OR6C74: variants seen among roughly 807,000 people sequenced by gnomAD.
The protein encoded by OR6C74 is olfactory receptor family 6 subfamily C member 74.
For synonymous variants in OR6C74, 142 were observed against 134.2 expected (o/e 1.06, Z -0.40); for missense variants, 361 against 362.9 (o/e 0.99, Z 0.04).
rs1222751999 is a variant in OR6C74 at position 55,252,382 on chromosome 12, T to A, written c.*4156T>A. 2.7e-5 allele frequency among the ~76,000 whole-genome samples: 4 copies of A among 150,584 alleles called. No homozygotes were observed. Among genetic ancestry groups the A allele is most frequent in the African/African-American group, 9.7e-5 (4 of 41,140 alleles). ...ATTTTAAATGAACTGGAAATCACAA[T>A]AATTATTCTTCAATCCCATTCAAAT... On this transcript the variant is annotated 3_prime_UTR_variant, in exon 2 of 2. Coordinates refer to ENST00000343399, the MANE Select transcript of OR6C74 (RefSeq NM_001005490.2).
At chr12:55,247,086 G>A (rs1954274554) in intron 1 of OR6C74, 193 bp from the exon 2 acceptor site, 5 of 467,824 alleles carry the variant, frequency 1.1e-5, no homozygotes, top group Non-Finnish European at 1.5e-5. Context: ...TGAGAAAACA[G>A]AACAAACTCA....
Position 55,247,328 on chromosome 12 carries a change from G to T in OR6C74, c.41G>T (p.Gly14Val), listed in dbSNP as rs1224509020. ...HTTVANFILL[G>V]LTDDPQLQVI... is the part of the protein sequence containing the mutation. ...ACAGTAGCAAACTTTATTCTTCTTG[G>T]ACTGACAGATGATCCACAATTACAG... The change falls in exon 2 of 2, where the codon GGA (glycine) becomes GTA (valine). Residue 14 changes from glycine to valine, a missense_variant. Coordinates refer to ENST00000343399, the MANE Select transcript of OR6C74 (RefSeq NM_001005490.2). 1.3e-5 allele frequency: 21 copies of T among 1,611,294 alleles called. No individual in the cohort carries two copies. Among genetic ancestry groups the T allele is most frequent in the Non-Finnish European group, 1.8e-5 (21 of 1,177,856 alleles).
chr12:55,250,314 T>C lies in OR6C74; in HGVS notation c.*2088T>C, dbSNP rs1027947440. Among the ~76,000 whole-genome samples the C allele has an allele frequency of 1.3e-5, 2 of 152,134 alleles. No homozygotes were observed. The highest frequency in any genetic ancestry group is 6.6e-5 in the Admixed American group (1 of 15,266). On this transcript the variant is annotated 3_prime_UTR_variant, in exon 2 of 2. Coordinates refer to ENST00000343399, the MANE Select transcript of OR6C74 (RefSeq NM_001005490.2). ...TTTTAAAGTCTAATATATAGGTAAATCCATAAATCATTGAATGTATATTAA... is the reference window on the plus strand; with the variant it reads ...TTTTAAAGTCTAATATATAGGTAAACCCATAAATCATTGAATGTATATTAA...
rs371800164 is a variant in OR6C74 at position 55,247,742 on chromosome 12, T to C, written c.455T>C (p.Leu152Pro). 6.2e-7 allele frequency: 1 copy of C among 1,613,880 alleles called. No individual in the cohort carries two copies. The highest frequency in any genetic ancestry group is 1.3e-5 in the African/African-American group (1 of 74,918). ...LVFASWMAGF[L>P]IIFPPLLMGL... ...TTTGCTTCATGGATGGCTGGCTTCC[T>C]AATAATTTTTCCGCCACTCCTGATG... The change falls in exon 2 of 2, where the codon CTA becomes CCA. Residue 152 changes from leucine to proline, a missense_variant. Transcript: ENST00000343399.
In OR6C74 at chr12:55,254,165, G is replaced by A. The variant is rs2136316227; in HGVS notation, c.*5939G>A. 6.6e-6 allele frequency among the ~76,000 whole-genome samples: 1 copy of A among 152,128 alleles called. No homozygotes were observed. Among genetic ancestry groups the A allele is most frequent in the East Asian group, 1.9e-4 (1 of 5,178 alleles). ...AATCAGGGAGTTCATTTTAACAAAA[G>A]CATCTTCCATCTTCATTTCAAACCA... On this transcript the variant is annotated 3_prime_UTR_variant, in exon 2 of 2. Transcript: ENST00000343399.
rs771820832 is a variant in OR6C74, at chr12:55,256,146, A to G, written c.*7920A>G. Among the ~76,000 whole-genome samples the G allele has an allele frequency of 1.3e-5, 2 of 152,134 alleles. No homozygotes were observed. Among genetic ancestry groups the G allele is most frequent in the Non-Finnish European group, 2.9e-5 (2 of 68,006 alleles). ...ATGTGCTTCCCCCTGCAGAGAGCCTACGAACGGACATGCAGTCAGGGAGGT... is the reference window on the plus strand; with the variant it reads ...ATGTGCTTCCCCCTGCAGAGAGCCTGCGAACGGACATGCAGTCAGGGAGGT... On this transcript the variant is annotated 3_prime_UTR_variant, in exon 2 of 2. Transcript: ENST00000343399.
Position 55,253,093 on chromosome 12 carries a change from A to C in OR6C74, c.*4867A>C, listed in dbSNP as rs1416892169. ...GGAATAAATGATGGCAAAGGGCTAG[A>C]GTACAAAGGTATACCATTTTATTTG... On this transcript the variant is annotated 3_prime_UTR_variant, in exon 2 of 2. Coordinates refer to ENST00000343399, the MANE Select transcript of OR6C74 (RefSeq NM_001005490.2). Among the ~76,000 whole-genome samples the C allele has an allele frequency of 6.6e-6, 1 of 152,038 alleles. No individual in the cohort carries two copies. The highest frequency in any genetic ancestry group is 1.5e-5 in the Non-Finnish European group (1 of 67,944).
rs939439263 is a variant in OR6C74 at position 55,254,311 on chromosome 12, G to A, written c.*6085G>A. Among the ~76,000 whole-genome samples the A allele has an allele frequency of 6.6e-6, 1 of 151,976 alleles. No homozygotes were observed. The highest frequency in any genetic ancestry group is 2.4e-5 in the African/African-American group (1 of 41,406). Reference sequence around the variant, plus strand: ...TAGCTAAGGGGTATGTAAGTAAATTGCATACAATAAAGCTGTTCCATATTG... The same window carrying A: ...TAGCTAAGGGGTATGTAAGTAAATTACATACAATAAAGCTGTTCCATATTG... On this transcript the variant is annotated 3_prime_UTR_variant, in exon 2 of 2. Coordinates refer to ENST00000343399, the MANE Select transcript of OR6C74 (RefSeq NM_001005490.2).
Position 55,255,433 on chromosome 12 carries a change from C to T in OR6C74, c.*7207C>T, listed in dbSNP as rs1954337387. ...AGAAATACCATTTGACCCAGCAATCCCATTACTGGGTATATACCCAAAGGA... is the reference window on the plus strand; with the variant it reads ...AGAAATACCATTTGACCCAGCAATCTCATTACTGGGTATATACCCAAAGGA... On this transcript the variant is annotated 3_prime_UTR_variant, in exon 2 of 2. Coordinates refer to ENST00000343399, the MANE Select transcript of OR6C74 (RefSeq NM_001005490.2). 6.6e-6 allele frequency among the ~76,000 whole-genome samples: 1 copy of T among 151,998 alleles called. No individual in the cohort carries two copies. The highest frequency in any genetic ancestry group is 1.5e-5 in the Non-Finnish European group (1 of 67,976).
rs1260111066 is a variant in OR6C74, at chr12:55,256,045, GT to G, written c.*7820del. Among the ~76,000 whole-genome samples, 2 of 152,058 alleles carry G rather than the reference GT, an allele frequency of 1.3e-5. No individual in the cohort carries two copies. The highest frequency in any genetic ancestry group is 4.8e-5 in the African/African-American group (2 of 41,404). Reference sequence around the variant, plus strand: ...AAAAGGTGAAATGCTCCTGATTATTGTAAATACAAAATTGCATGCAGGATTG... The same window carrying G: ...AAAAGGTGAAATGCTCCTGATTATTGAAATACAAAATTGCATGCAGGATTG... On this transcript the variant is annotated 3_prime_UTR_variant, in exon 2 of 2. Transcript: ENST00000343399.
chr12:55,249,040 C>T lies in OR6C74; in HGVS notation c.*814C>T, dbSNP rs149105820. Reference sequence around the variant, plus strand: ...AAATGATGCCTTCATGTCCACTCACCGCTTACACATTTTTAGCAAAACGAA... The same window carrying T: ...AAATGATGCCTTCATGTCCACTCACTGCTTACACATTTTTAGCAAAACGAA... On this transcript the variant is annotated 3_prime_UTR_variant, in exon 2 of 2. Transcript: ENST00000343399. 3.8e-3 allele frequency among the ~76,000 whole-genome samples: 572 copies of T among 152,232 alleles called. 4 individuals are homozygous for T. The highest frequency in any genetic ancestry group is 0.013 in the African/African-American group (549 of 41,568).
In OR6C74 at chr12:55,251,294, T is replaced by C. The variant is rs189731889; in HGVS notation, c.*3068T>C. ...CTTCTGTGGAAGGCTGGTCGACAAG[T>C]ATATGTTAGTCACTTCATACTCAAA... On this transcript the variant is annotated 3_prime_UTR_variant, in exon 2 of 2. Coordinates refer to ENST00000343399, the MANE Select transcript of OR6C74 (RefSeq NM_001005490.2). Among the ~76,000 whole-genome samples, 2 of 152,060 alleles carry C rather than the reference T, an allele frequency of 1.3e-5. No individual in the cohort carries two copies. Among genetic ancestry groups the C allele is most frequent in the Non-Finnish European group, 2.9e-5 (2 of 67,940 alleles).
At position 55,249,046 on chromosome 12, in the gene OR6C74, C is replaced by T. The variant is rs1792467561; in HGVS notation, c.*820C>T. 6.6e-6 allele frequency among the ~76,000 whole-genome samples: 1 copy of T among 152,160 alleles called. No homozygotes were observed. Among genetic ancestry groups the T allele is most frequent in the Non-Finnish European group, 1.5e-5 (1 of 68,024 alleles). ...TGCCTTCATGTCCACTCACCGCTTA[C>T]ACATTTTTAGCAAAACGAAGTGAAA... is the stretch of plus-strand genomic sequence containing the variant. On this transcript the variant is annotated 3_prime_UTR_variant, in exon 2 of 2. Transcript: ENST00000343399.
intron 1 of OR6C74, 160 bp from the exon 2 acceptor site, chr12:55,247,119 C>T (rs1954274824): frequency 2.0e-6 from 1 of 492,048 alleles, no homozygotes; most frequent in Non-Finnish European, 3.5e-6. Context: ...TATTTAGCAA[C>T]ATTTTGAGTA....
At position 55,250,004 on chromosome 12, in the gene OR6C74, T is replaced by C. The variant is rs939783116; in HGVS notation, c.*1778T>C. Among the ~76,000 whole-genome samples, 1 of 151,970 alleles carries C rather than the reference T, an allele frequency of 6.6e-6. No individual in the cohort carries two copies. Among genetic ancestry groups the C allele is most frequent in the African/African-American group, 2.4e-5 (1 of 41,360 alleles). Reference sequence around the variant, plus strand: ...CCCACCTATGAGTGACAACATGCGGTGTTTGGTTTTTTGTCCTTGCGATAG... The same window carrying C: ...CCCACCTATGAGTGACAACATGCGGCGTTTGGTTTTTTGTCCTTGCGATAG... On this transcript the variant is annotated 3_prime_UTR_variant, in exon 2 of 2. Transcript: ENST00000343399.
In OR6C74 at chr12:55,248,941, TG is replaced by T. The variant is rs1368799718; in HGVS notation, c.*717del. 3.3e-5 allele frequency among the ~76,000 whole-genome samples: 5 copies of T among 152,318 alleles called. No homozygotes were observed. The East Asian group carries it at 9.7e-4, about 29-fold the overall frequency. On this transcript the variant is annotated 3_prime_UTR_variant, in exon 2 of 2. Coordinates refer to ENST00000343399, the MANE Select transcript of OR6C74 (RefSeq NM_001005490.2). ...GACAGGTATTTATATGCTCCATTTATGGATTAAAAATATAAGTCATAAGGAT... is the reference window on the plus strand; with the variant it reads ...GACAGGTATTTATATGCTCCATTTATGATTAAAAATATAAGTCATAAGGAT...
In OR6C74 at chr12:55,249,747, GA is replaced by G. The variant is rs1954300312; in HGVS notation, c.*1523del. 6.6e-6 allele frequency among the ~76,000 whole-genome samples: 1 copy of G among 151,642 alleles called. No homozygotes were observed. Among genetic ancestry groups the G allele is most frequent in the African/African-American group, 2.4e-5 (1 of 41,120 alleles). The stretch of plus-strand genomic sequence containing the variant: ...CACTATTTGGCTTTCTTTGCATCAG[GA>G]ATTTAAGTTTTTTTTTATTATTATA... On this transcript the variant is annotated 3_prime_UTR_variant, in exon 2 of 2. Coordinates refer to ENST00000343399, the MANE Select transcript of OR6C74 (RefSeq NM_001005490.2).
chr12:55,256,524 T>A lies in OR6C74; in HGVS notation c.*8298T>A, dbSNP rs1356781910. On this transcript the variant is annotated 3_prime_UTR_variant, in exon 2 of 2. Transcript: ENST00000343399. Reference sequence around the variant, plus strand: ...GTTTTAAGGCTCTGTTAGAAATTACTGATGCACACACTATATTGTAAACTC... The same window carrying A: ...GTTTTAAGGCTCTGTTAGAAATTACAGATGCACACACTATATTGTAAACTC... Among the ~76,000 whole-genome samples the A allele has an allele frequency of 6.6e-6, 1 of 152,164 alleles. No individual in the cohort carries two copies. The highest frequency in any genetic ancestry group is 2.4e-5 in the African/African-American group (1 of 41,454).
intron 1 of OR6C74, 27 bp from the exon 2 acceptor site, chr12:55,247,252 A>G (rs775899316): frequency 1.5e-6 from 2 of 1,336,338 alleles, no homozygotes; most frequent in South Asian, 2.8e-5. Flanking sequence ...CTTCTGTTCT[A>G]ATTTTTCTTC....
Sources: gnomAD v4.1 joint callset for allele counts (sites outside exome capture counted in the v4.1 genomes callset) on GRCh38, gnomAD v4.1.1 for gene constraint, MANE v1.5 for transcripts, NCBI Gene and HGNC (gene_info 2026-07-23, HGNC 2026-07-21) for gene names.